The following SBK1 variants were observed in gnomAD, a reference collection of about 807,000 sequenced individuals.
The protein encoded by SBK1 is serine/threonine-protein kinase SBK1.
Under a neutral mutation model 24.4 loss-of-function variants are expected in SBK1, and 11 were observed. The observed-to-expected ratio is 0.45, with a 90% CI of 0.28 to 0.75. SBK1 has a LOEUF of 0.75. Among genes scored for constraint, SBK1 ranks in the 30% least tolerant of loss-of-function variants. The probability of loss-of-function intolerance (pLI) is 0.12; values close to 1 mark genes in which losing one functional copy is unlikely to be tolerated. For synonymous variants in SBK1, 308 were observed against 284.4 expected (o/e 1.08, Z -0.83); for missense variants, 467 against 620.5 (o/e 0.75, Z 2.63).
Position 28,322,835 on chromosome 16 carries a change from A to G in SBK1, c.*1914A>G, listed in dbSNP as rs1462952866. On this transcript the variant is annotated 3_prime_UTR_variant, in exon 4 of 4. Coordinates refer to ENST00000341901, the MANE Select transcript of SBK1 (RefSeq NM_001024401.3). ...TTCTCCTTTTGCCTTAGGCCTCGCG[A>G]CATCCTGATCTCTCCTGCAATAACT... The G allele has an allele frequency of 6.6e-6, 1 of 152,300 alleles. No individual in the cohort carries two copies. The highest frequency in any genetic ancestry group is 1.5e-5 in the Non-Finnish European group (1 of 68,022). 9.4% of individuals were successfully genotyped at this position (152,300 alleles called of 1,614,324 possible). A position where few individuals can be genotyped will look rare whatever the true frequency, so the allele number is the denominator to read the frequency against.
Position 28,320,616 on chromosome 16 carries a change from C to A in SBK1, c.970C>A (p.Arg324=), listed in dbSNP as rs771576326. 5.0e-6 allele frequency: 7 copies of A among 1,390,834 alleles called. No homozygotes were observed. The South Asian group carries it at 8.7e-5, about 17-fold the overall frequency. The allele number at this position is 1,390,834 out of a possible 1,614,324, so 86.2% of individuals were successfully genotyped here. ...CGAGCTCACGTCCGAGCTGCGCCGC[C>A]GGCCCTCGCACCGCGCGCGCAAGCC... ...KHELTSELRR[R]PSHRARKPPG... is the part of the protein sequence containing the mutation. The change falls in exon 4 of 4, where the codon CGG becomes AGG. Residue 324 remains arginine (R), a synonymous_variant. Coordinates refer to ENST00000341901, the MANE Select transcript of SBK1 (RefSeq NM_001024401.3). The surrounding 1 kb of genome is among the most constrained non-coding windows in gnomAD (Gnocchi z 8.5).
At chr16:28,267,017 C>G (rs934351631) in intron 1 of SBK1, among the ~76,000 whole-genome samples, 3 of 152,112 alleles carry the variant, frequency 2.0e-5, no homozygotes, top group Non-Finnish European at 4.4e-5. Flanking sequence ...ATCGATTCTC[C>G]TGCCTCAGCC....
At chr16:28,270,525 A>C (rs1037420585) in intron 1 of SBK1, among the ~76,000 whole-genome samples, 10 of 152,060 alleles carry the variant, frequency 6.6e-5, no homozygotes, top group African/African-American at 9.6e-5. Flanking sequence ...TCCTGAGCCC[A>C]AATGATCCTC....
intron 1 of SBK1, among the ~76,000 whole-genome samples, chr16:28,304,998 C>T (rs548154145): frequency 2.6e-5 from 4 of 152,256 alleles, no homozygotes; most frequent in African/African-American, 9.6e-5. Context: ...CAATCTCCAC[C>T]TCCCGGGTTC....
intron 1 of SBK1, among the ~76,000 whole-genome samples, chr16:28,298,150 G>C (rs1483858152): frequency 6.6e-6 from 1 of 152,180 alleles, no homozygotes; most frequent in Non-Finnish European, 1.5e-5. Context: ...CTCAGGAAGG[G>C]GTGGCAGCTA....
chr16:28,282,631 T>TGAATGAATGAATGAATGAAC (rs1391600362), intron 1 of SBK1, among the ~76,000 whole-genome samples: 2 of 151,966 alleles, frequency 1.3e-5, no homozygotes, highest in African/African-American at 4.8e-5. Context: ...CAAGTGTGAA[T>TGAATGAATGAATGAATGAAC]GAATGAATGA....
intron 1 of SBK1, among the ~76,000 whole-genome samples, chr16:28,316,035 G>A (rs981499665): frequency 6.6e-6 from 1 of 152,188 alleles, no homozygotes; most frequent in African/African-American, 2.4e-5. Context: ...AAAGTGCTGG[G>A]ATTACAGTTG....
intron 1 of SBK1, among the ~76,000 whole-genome samples, chr16:28,266,733 CTT>C (rs376731367): frequency 0.074 from 10,187 of 137,542 alleles, 510 homozygotes; most frequent in African/African-American, 0.14. Context: ...TTTTTCTTTT[CTT>C]TTTTTTTTTT....
chr16:28,281,476 G>A (rs1015688788), intron 1 of SBK1, among the ~76,000 whole-genome samples: 3 of 152,138 alleles, frequency 2.0e-5, no homozygotes, highest in African/African-American at 7.2e-5. Flanking sequence ...GGATGGAAAT[G>A]GGGACGGGAG....
chr16:28,262,165 G>A (rs1331841154), intron 1 of SBK1, among the ~76,000 whole-genome samples: 1 of 152,198 alleles, frequency 6.6e-6, no homozygotes, highest in Admixed American at 6.5e-5. Flanking sequence ...TGGAGGAGGG[G>A]CAGTGGGGCA....
At position 28,292,606 on chromosome 16, in the gene SBK1, C is replaced by T. The variant is rs1465450602; in HGVS notation, c.-702C>T. The stretch of plus-strand genomic sequence containing the variant: ...GCGGAGCGCGAGCTGGAGCCGCAGC[C>T]GGAGCCCGGGCCAGGCCGGGGGCCG... On this transcript the variant is annotated 5_prime_UTR_variant, in exon 1 of 4. Coordinates refer to ENST00000341901, the MANE Select transcript of SBK1 (RefSeq NM_001024401.3). 1.1e-5 allele frequency: 11 copies of T among 980,062 alleles called. No individual in the cohort carries two copies. Among genetic ancestry groups the T allele is most frequent in the South Asian group, 4.7e-5 (1 of 21,278 alleles). 60.7% of individuals were successfully genotyped at this position (980,062 alleles called of 1,614,324 possible).
intron 1 of SBK1, among the ~76,000 whole-genome samples, chr16:28,279,601 G>A (rs1456664220): frequency 4.6e-5 from 7 of 152,088 alleles, no homozygotes; most frequent in Non-Finnish European, 1.5e-5. Context: ...CTCCATCATG[G>A]GAGCCGTGGT....
At chr16:28,260,100 G>A (rs1267088179) in intron 1 of SBK1, among the ~76,000 whole-genome samples, 3 of 151,802 alleles carry the variant, frequency 2.0e-5, no homozygotes, top group African/African-American at 7.3e-5. Context: ...GTGTGTGTGT[G>A]TGTGTGTAAA....
chr16:28,302,599 C>T (rs1192077746), intron 1 of SBK1, among the ~76,000 whole-genome samples: 2 of 152,172 alleles, frequency 1.3e-5, no homozygotes, highest in Non-Finnish European at 2.9e-5. Context: ...GCCACCCCTC[C>T]CTGGCACTTT....
At chr16:28,302,330 G>A (rs1362188287) in intron 1 of SBK1, among the ~76,000 whole-genome samples, 1 of 152,260 alleles carries the variant, frequency 6.6e-6, no homozygotes, top group Non-Finnish European at 1.5e-5. Context: ...GATTCCACAA[G>A]TGAACAGACT....
intron 1 of SBK1, among the ~76,000 whole-genome samples, chr16:28,296,318 C>G (rs1315951917): frequency 6.6e-6 from 1 of 152,076 alleles, no homozygotes; most frequent in African/African-American, 2.4e-5. Context: ...TGGTCTTGAA[C>G]TCCTGACCTC....
At chr16:28,263,710 A>G (rs954910194) in intron 1 of SBK1, among the ~76,000 whole-genome samples, 2 of 152,194 alleles carry the variant, frequency 1.3e-5, no homozygotes, top group Admixed American at 1.3e-4. Context: ...ATTTTAAAGG[A>G]TATTTCAGGC....
intron 1 of SBK1, among the ~76,000 whole-genome samples, chr16:28,261,315 C>A (rs557191992): frequency 6.6e-6 from 1 of 152,116 alleles, no homozygotes; most frequent in Non-Finnish European, 1.5e-5. Context: ...GGGCATCAGG[C>A]GGGGTGTGGT....
upstream of SBK1, among the ~76,000 whole-genome samples, chr16:28,287,766 T>C (rs956700205): frequency 1.3e-5 from 2 of 152,162 alleles, no homozygotes; most frequent in African/African-American, 4.8e-5. Flanking sequence ...CCAGTTCAAG[T>C]GATTCTTGGG....
Sources: allele counts gnomAD v4.1 joint callset (sites outside exome capture counted in the v4.1 genomes callset), GRCh38; gene constraint gnomAD v4.1.1; non-coding constraint Gnocchi (gnomAD v3.1); transcripts MANE v1.5; gene names NCBI Gene and HGNC (gene_info 2026-07-23, HGNC 2026-07-21).